KPNA6: variants seen among roughly 807,000 people sequenced by gnomAD.
KPNA6 encodes the protein karyopherin subunit alpha 6, also known as importin subunit alpha-7.
In KPNA6, 9 loss-of-function variants were observed where a neutral mutation model predicts 72.0. That is an observed-to-expected ratio of 0.13 (90% CI 0.08 to 0.22). The LOEUF (loss-of-function observed/expected upper bound fraction) is 0.22. KPNA6 is among the 10% of genes least tolerant of loss of function. KPNA6 has a pLI of 1.00. For missense variants in KPNA6, 374 were observed against 655.7 expected (o/e 0.57, Z 4.69); for synonymous variants, 219 against 242.1 (o/e 0.90, Z 0.89).
intron 1 of KPNA6, among the ~76,000 whole-genome samples, chr1:32,130,222 A>ATTT (rs55953899): frequency 9.2e-4 from 95 of 103,110 alleles, no homozygotes; most frequent in Middle Eastern, 5.2e-3. Context: ...GTAGATAAAT[A>ATTT]TTTTTTTTTT....
At chr1:32,115,133 C>T (rs1641307945) in intron 1 of KPNA6, among the ~76,000 whole-genome samples, 1 of 151,748 alleles carries the variant, frequency 6.6e-6, no homozygotes, top group African/African-American at 2.4e-5. Context: ...AGCCACCACA[C>T]CCGGCTTCAC....
chr1:32,125,433 G>C (rs987228207), intron 1 of KPNA6, among the ~76,000 whole-genome samples: 4 of 152,272 alleles, frequency 2.6e-5, no homozygotes, highest in Admixed American at 1.3e-4. Context: ...CAGCCAACAG[G>C]CCTGCACAGG....
Position 32,173,384 on chromosome 1 carries a change from C to T in KPNA6, c.*2490C>T, listed in dbSNP as rs1048784855. Reference sequence around the variant, plus strand: ...TTGGCTTCAGCTCCGGGTCCTGTACCAGATGGAAAATGTTTTTGGTGATCT... The same window carrying T: ...TTGGCTTCAGCTCCGGGTCCTGTACTAGATGGAAAATGTTTTTGGTGATCT... On this transcript the variant is annotated 3_prime_UTR_variant, in exon 14 of 14. Transcript: ENST00000373625. The T allele has an allele frequency of 6.1e-6, 2 of 329,828 alleles. No individual in the cohort carries two copies. The highest frequency in any genetic ancestry group is 4.9e-5 in the Admixed American group (1 of 20,494). The allele number at this position is 329,828 out of a possible 1,614,324, so 20.4% of individuals were successfully genotyped here. A position where few individuals can be genotyped will look rare whatever the true frequency, so the allele number is the denominator to read the frequency against.
At chr1:32,146,027 A>G (rs1641923486) in intron 1 of KPNA6, among the ~76,000 whole-genome samples, 1 of 152,218 alleles carries the variant, frequency 6.6e-6, no homozygotes, top group Non-Finnish European at 1.5e-5. Flanking sequence ...GTGGGCTAAC[A>G]TATGGCCTAT....
intron 8 of KPNA6, 141 bp downstream of exon 8, chr1:32,162,187 C>T: frequency 2.2e-6 from 2 of 909,328 alleles, no homozygotes; most frequent in East Asian, 2.4e-5. Context: ...ATCTTGTGTA[C>T]CTGGATAGTA....
intron 1 of KPNA6, among the ~76,000 whole-genome samples, chr1:32,119,011 TATATATATATATATA>T (rs1641378529): frequency 5.9e-5 from 4 of 67,676 alleles, no homozygotes; most frequent in African/African-American, 3.3e-4. Context: ...TATATATATA[TATATATATATATATA>T]TATATATTTT....
intron 1 of KPNA6, among the ~76,000 whole-genome samples, chr1:32,114,421 A>G (rs964000930): frequency 6.7e-6 from 1 of 149,582 alleles, no homozygotes; most frequent in Non-Finnish European, 1.5e-5. Flanking sequence ...AGCCTGGGCG[A>G]CAAGAACGAA....
At chr1:32,147,021 A>G (rs938922496) in intron 1 of KPNA6, among the ~76,000 whole-genome samples, 8 of 151,788 alleles carry the variant, frequency 5.3e-5, no homozygotes, top group Admixed American at 1.3e-4. Context: ...ACGTCCGGCT[A>G]ATTTTTATAT....
At chr1:32,170,679 TC>T (rs1468897778) in intron 13 of KPNA6, 27 bp from the exon 14 acceptor site, 1 of 1,598,972 alleles carries the variant, frequency 6.3e-7, no homozygotes, top group East Asian at 2.2e-5. Flanking sequence ...CACTCACACT[TC>T]CCTCTCCTTC....
chr1:32,136,836 C>T (rs1288258867), intron 1 of KPNA6, among the ~76,000 whole-genome samples: 1 of 152,214 alleles, frequency 6.6e-6, no homozygotes, highest in Non-Finnish European at 1.5e-5. Context: ...TTAGAAGAGA[C>T]ATCATACACT....
chr1:32,147,921 C>G (rs1474449693), intron 1 of KPNA6, among the ~76,000 whole-genome samples: 1 of 152,112 alleles, frequency 6.6e-6, no homozygotes, highest in East Asian at 1.9e-4. Flanking sequence ...CTGCCTTGGC[C>G]TCCCAGAGTG....
At chr1:32,138,134 CAAA>C (rs1192542076) in intron 1 of KPNA6, among the ~76,000 whole-genome samples, 1 of 73,954 alleles carries the variant, frequency 1.4e-5, no homozygotes, top group Admixed American at 1.3e-4. Context: ...AAACTCTGTC[CAAA>C]AAAAAAAAAA....
chr1:32,117,499 A>G (rs868389798), intron 1 of KPNA6, among the ~76,000 whole-genome samples: 2 of 151,478 alleles, frequency 1.3e-5, no homozygotes, highest in South Asian at 4.2e-4. Flanking sequence ...TTTAAAAAAA[A>G]CACACATTGG....
intron 1 of KPNA6, among the ~76,000 whole-genome samples, chr1:32,140,615 TG>T (rs982728999): frequency 3.3e-5 from 5 of 152,124 alleles, no homozygotes; most frequent in African/African-American, 1.2e-4. Context: ...CAGTTTATAA[TG>T]GAAACAGAAA....
intron 12 of KPNA6, among the ~76,000 whole-genome samples, chr1:32,169,248 G>C (rs555111311): frequency 6.6e-6 from 1 of 151,804 alleles, no homozygotes; most frequent in South Asian, 2.1e-4. Context: ...GCACACACCT[G>C]TAGTCCCAGC....
chr1:32,160,679 G>A lies in KPNA6; in HGVS notation c.623G>A (p.Cys208Tyr). 1.2e-6 allele frequency: 2 copies of A among 1,613,856 alleles called. No individual in the cohort carries two copies. The highest frequency in any genetic ancestry group is 1.7e-6 in the Non-Finnish European group (2 of 1,179,776). The change falls in exon 7 of 14, where the codon TGT becomes TAT. Residue 208 changes from cysteine to tyrosine, a missense_variant. Physicochemically the swap from Cys to Tyr is radical, Grantham distance 194. Transcript: ENST00000373625. ...SSVCRDYVLN[C>Y]SILNPLLTLL... ...GTTTGCCGAGATTACGTCTTGAACT[G>A]TTCCATCCTTAATCCTTTGTTAACG...
At chr1:32,165,473 G>C (rs1389749823) in intron 10 of KPNA6, among the ~76,000 whole-genome samples, 1 of 151,882 alleles carries the variant, frequency 6.6e-6, no homozygotes, top group African/African-American at 2.4e-5. Flanking sequence ...AGGATCACTT[G>C]AGCCCAGAAG....
Position 32,166,356 on chromosome 1 carries a change from G to A in KPNA6, c.1116+126G>A, listed in dbSNP as rs926824450. The stretch of plus-strand genomic sequence containing the variant: ...AATAGGAGTCAATTGGCCAGGCACG[G>A]TGGCTCACGCCTGTAGTCCCAGCAC... On this transcript the variant is annotated intron_variant, in intron 11 of 13. Transcript: ENST00000373625. The A allele has an allele frequency of 1.7e-5, 20 of 1,158,720 alleles. No individual in the cohort carries two copies. The Admixed American group carries it at 4.7e-4, about 27-fold the overall frequency. The allele number at this position is 1,158,720 out of a possible 1,614,324, so 71.8% of individuals were successfully genotyped here.
intron 1 of KPNA6, among the ~76,000 whole-genome samples, chr1:32,124,052 AAAAG>A (rs1641486700): frequency 6.6e-6 from 1 of 151,134 alleles, no homozygotes. Context: ...AAAAAAAAAA[AAAAG>A]GAATGACTAA....
Sources: gnomAD v4.1 joint callset for allele counts (sites outside exome capture counted in the v4.1 genomes callset) on GRCh38, gnomAD v4.1.1 for gene constraint, MANE v1.5 for transcripts, NCBI Gene and HGNC (gene_info 2026-07-23, HGNC 2026-07-21) for gene names.